Variants in SLIT1 observed in about 807,000 individuals in gnomAD.
The protein encoded by SLIT1 is slit guidance ligand 1.
Under a neutral mutation model 186.1 loss-of-function variants are expected in SLIT1, and 66 were observed. That is an observed-to-expected ratio of 0.35 (90% CI 0.29 to 0.44). The LOEUF is 0.44. Among genes scored for constraint, SLIT1 ranks in the 20% least tolerant of loss-of-function variants. SLIT1 has a pLI of 1.00. For synonymous variants in SLIT1, 761 were observed against 833.8 expected (o/e 0.91, Z 1.50); for missense variants, 1,638 against 2,037.4 (o/e 0.80, Z 3.77).
chr10:97,164,926 A>C, intron 1 of SLIT1, 36 bp from the exon 2 acceptor site: 1 of 1,530,516 alleles, frequency 6.5e-7, no homozygotes, highest in South Asian at 1.1e-5. Context: ...CAGTGGGGTG[A>C]GCAGGGTAAG....
intron 4 of SLIT1, among the ~76,000 whole-genome samples, chr10:97,104,247 T>A (rs2134673709): frequency 6.6e-6 from 1 of 151,958 alleles, no homozygotes; most frequent in South Asian, 2.1e-4. Flanking sequence ...CAGAGAACAG[T>A]CAGTGCCAAG....
At chr10:97,039,600 G>T (rs773004864) in intron 21 of SLIT1, among the ~76,000 whole-genome samples, 10 of 152,236 alleles carry the variant, frequency 6.6e-5, no homozygotes, top group Admixed American at 2.0e-4. Context: ...AAGGGGTTTT[G>T]TTATCTGGGT....
intron 4 of SLIT1, among the ~76,000 whole-genome samples, chr10:97,083,667 T>A (rs1849128054): frequency 6.6e-6 from 1 of 152,184 alleles, no homozygotes; most frequent in East Asian, 1.9e-4. Flanking sequence ...GTGTGGAATG[T>A]CAGCCCCTGT....
Position 97,043,136 on chromosome 10 carries a change from T to G in SLIT1, c.1998-69A>C. On this transcript the variant is annotated intron_variant, in intron 19 of 36. Coordinates refer to ENST00000266058, the MANE Select transcript of SLIT1 (RefSeq NM_003061.3). The surrounding 1 kb of genome is among the most constrained non-coding windows in gnomAD (Gnocchi z 7.0). ...CTCAGAGGTCCCAGCAAACCCCTCC[T>G]GTACCACGGACACAGGGCCACATGG... 1 of 1,530,992 alleles carries G rather than the reference T, an allele frequency of 6.5e-7. No individual in the cohort carries two copies. The highest frequency in any genetic ancestry group is 8.9e-7 in the Non-Finnish European group (1 of 1,124,162). The allele number at this position is 1,530,992 out of a possible 1,614,324, so 94.8% of individuals were successfully genotyped here.
chr10:97,034,064 C>T (rs138977308), intron 23 of SLIT1, among the ~76,000 whole-genome samples: 148 of 152,146 alleles, frequency 9.7e-4, no homozygotes, highest in African/African-American at 3.2e-3. Flanking sequence ...GGGGTTTCAC[C>T]ATGTTGGTCA....
At chr10:97,182,166 A>G (rs1047585416) in intron 1 of SLIT1, among the ~76,000 whole-genome samples, 42 of 152,200 alleles carry the variant, frequency 2.8e-4, no homozygotes, top group African/African-American at 9.2e-4. Context: ...GGCTGAACCA[A>G]TTTCCTCAGC....
chr10:97,100,070 A>G (rs1465544100), intron 4 of SLIT1, among the ~76,000 whole-genome samples: 1 of 152,248 alleles, frequency 6.6e-6, no homozygotes, highest in Non-Finnish European at 1.5e-5. Context: ...CCCATTGACA[A>G]TAAGTGACAT....
At chr10:97,039,837 C>T in intron 21 of SLIT1, 151 bp downstream of exon 21, 1 of 811,476 alleles carries the variant, frequency 1.2e-6, no homozygotes, top group Non-Finnish European at 1.9e-6. Flanking sequence ...GCAGTGTTTT[C>T]TGCAAAGCCC....
intron 4 of SLIT1, among the ~76,000 whole-genome samples, chr10:97,145,005 A>T (rs7086776): frequency 6.6e-6 from 1 of 151,990 alleles, no homozygotes; most frequent in Non-Finnish European, 1.5e-5. Context: ...AAAAGAGAGG[A>T]CTCAATGCCA....
Position 97,084,117 on chromosome 10 carries a change from G to T in SLIT1, c.414-18031C>A, listed in dbSNP as rs566650490. On this transcript the variant is annotated intron_variant, in intron 4 of 36. Transcript: ENST00000266058. ...TGCAGCCAAATTCTGGGGGAGACAG[G>T]CAGAGGGTGGGTGGCTCTGACCACC... Among the ~76,000 whole-genome samples, 13 of 152,348 alleles carry T rather than the reference G, an allele frequency of 8.5e-5. No individual in the cohort carries two copies. The South Asian group carries it at 2.7e-3, about 32-fold the overall frequency.
At chr10:97,063,359 G>A in intron 8 of SLIT1, 96 bp downstream of exon 8, 2 of 1,385,234 alleles carry the variant, frequency 1.4e-6, no homozygotes, top group African/African-American at 1.4e-5. Flanking sequence ...GGAGGTGATG[G>A]GCAGGCCAGG....
intron 4 of SLIT1, among the ~76,000 whole-genome samples, chr10:97,130,383 G>A (rs1849641944): frequency 6.6e-6 from 1 of 152,204 alleles, no homozygotes. Flanking sequence ...CGGATAAATG[G>A]ATAACAAACG....
intron 28 of SLIT1, among the ~76,000 whole-genome samples, chr10:97,016,948 G>C (rs987916231): frequency 6.6e-6 from 1 of 152,222 alleles, no homozygotes; most frequent in African/African-American, 2.4e-5. Context: ...TCACATTTCA[G>C]AAAGTGGCCT....
At chr10:97,037,845 G>A (rs971217899) in intron 21 of SLIT1, 79 bp from the exon 22 acceptor site, 1 of 1,172,546 alleles carries the variant, frequency 8.5e-7, no homozygotes. Context: ...CTTCCCTGCA[G>A]CCAGGGACTT....
intron 11 of SLIT1, among the ~76,000 whole-genome samples, chr10:97,059,253 C>T (rs1366320171): frequency 1.3e-5 from 2 of 152,240 alleles, no homozygotes; most frequent in Non-Finnish European, 2.9e-5. Context: ...CTCCCAGCGT[C>T]GGAGGGTCCA....
In SLIT1 at chr10:97,002,221, A is replaced by C; in HGVS notation, c.4303T>G (p.Ser1435Ala). ...ACACAGTGTGCCCCCTTGGTGCCTG[A>C]GGCCTGGCAGTGGCCATGCAGGCAC... ...LQCLHGHCQA[S>A]GTKGAHCVCD... Residue 1435 changes from serine to alanine, a missense_variant, in exon 36 of 37, where the codon TCA (serine) becomes GCA (alanine). By Grantham distance (99) the Ser-to-Ala change is moderately conservative. Transcript: ENST00000266058. 1 of 1,586,542 alleles carries C rather than the reference A, an allele frequency of 6.3e-7. No homozygotes were observed. The highest frequency in any genetic ancestry group is 8.6e-7 in the Non-Finnish European group (1 of 1,164,182).
Position 97,060,636 on chromosome 10 carries a change from T to G in SLIT1, c.941+4A>C. The G allele has an allele frequency of 6.2e-7, 1 of 1,612,692 alleles. No homozygotes were observed. Among genetic ancestry groups the G allele is most frequent in the South Asian group, 1.1e-5 (1 of 91,012 alleles). On this transcript the variant is annotated splice_donor_region_variant and intron_variant, in intron 9 of 36. Transcript: ENST00000266058. ...CCCCAGCATCTGCCCTGCCCCGTAC[T>G]CACATCTCCGTCATGGTCTCGGGCA...
At chr10:97,007,689 A>AAAAAAGTTCAT (rs1294651794) in intron 31 of SLIT1, among the ~76,000 whole-genome samples, 1 of 152,216 alleles carries the variant, frequency 6.6e-6, no homozygotes, top group Non-Finnish European at 1.5e-5. Flanking sequence ...AAAGCAAAAA[A>AAAAAAGTTCAT]AAAAAGTTCA....
At chr10:97,162,086 A>G (rs1166894649) in intron 3 of SLIT1, among the ~76,000 whole-genome samples, 1 of 152,242 alleles carries the variant, frequency 6.6e-6, no homozygotes, top group Non-Finnish European at 1.5e-5. Context: ...AAATAAAGTT[A>G]TCTATAATCC....
Sources: gnomAD v4.1 joint callset for allele counts (sites outside exome capture counted in the v4.1 genomes callset) on GRCh38, gnomAD v4.1.1 for gene constraint, Gnocchi (gnomAD v3.1) non-coding constraint, MANE v1.5 for transcripts, NCBI Gene and HGNC (gene_info 2026-07-23, HGNC 2026-07-21) for gene names.